The following SEPTIN2 variants were observed in gnomAD, a reference collection of about 807,000 sequenced individuals.
SEPTIN2 encodes the protein septin-2.
Under a neutral mutation model 46.5 loss-of-function variants are expected in SEPTIN2, and 34 were observed. That is an observed-to-expected ratio of 0.73 (90% CI 0.56 to 0.97). SEPTIN2 has a LOEUF of 0.97. Among genes scored for constraint, SEPTIN2 ranks in the 50% least tolerant of loss-of-function variants. SEPTIN2 has a pLI of 0.00. For missense variants in SEPTIN2, 347 were observed against 448.4 expected (o/e 0.77, Z 2.04); for synonymous variants, 175 against 153.4 (o/e 1.14, Z -1.04).
chr2:241,347,976 C>T (rs769958992), intron 10 of SEPTIN2, among the ~76,000 whole-genome samples, 158 bp from the exon 11 acceptor site: 11 of 152,150 alleles, frequency 7.2e-5, no homozygotes, highest in Non-Finnish European at 1.6e-4. Context: ...GATCATGCCA[C>T]TACACTCCAG....
At chr2:241,333,755 G>A (rs888817267) in intron 3 of SEPTIN2, among the ~76,000 whole-genome samples, 7 of 151,998 alleles carry the variant, frequency 4.6e-5, no homozygotes, top group Non-Finnish European at 8.8e-5. Context: ...CGCCTGCCTC[G>A]GCCTCCCAAA....
intron 1 of SEPTIN2, chr2:241,316,439 G>T: frequency 4.3e-6 from 6 of 1,391,734 alleles, no homozygotes; most frequent in Non-Finnish European, 5.7e-6. Context: ...GGACTGGCCA[G>T]CCCCCAAACC....
chr2:241,335,225 T>G lies in SEPTIN2; in HGVS notation c.217+13T>G, dbSNP rs1261441409. ...CCTGGAGCAGCAGGTAAAAACATTCTTATGTTACTGTAAGTGTAATTCTAC... is the reference window on the plus strand; with the variant it reads ...CCTGGAGCAGCAGGTAAAAACATTCGTATGTTACTGTAAGTGTAATTCTAC... On this transcript the variant is annotated intron_variant, in intron 4 of 12. Coordinates refer to ENST00000391971, the MANE Select transcript of SEPTIN2 (RefSeq NM_004404.5). The G allele has an allele frequency of 1.9e-6, 3 of 1,610,478 alleles. No homozygotes were observed. Among genetic ancestry groups the G allele is most frequent in the East Asian group, 4.5e-5 (2 of 44,870 alleles).
rs2060917170 is a variant in SEPTIN2 at position 241,353,385 on chromosome 2, A to G, written c.*1448A>G. On this transcript the variant is annotated 3_prime_UTR_variant, in exon 13 of 13. Transcript: ENST00000391971. ...TACTGAAGTTGGGAAATTCAACCCC[A>G]GAAATTGACAGATGAAAGGAGACAA... 6.6e-6 allele frequency: 1 copy of G among 152,222 alleles called. No individual in the cohort carries two copies. The highest frequency in any genetic ancestry group is 1.5e-5 in the Non-Finnish European group (1 of 68,030). The allele number at this position is 152,222 out of a possible 1,614,324, so 9.4% of individuals were successfully genotyped here. A position where few individuals can be genotyped will look rare whatever the true frequency, so the allele number is the denominator to read the frequency against.
intron 1 of SEPTIN2, chr2:241,320,144 G>A: frequency 2.2e-6 from 1 of 452,388 alleles, no homozygotes; most frequent in South Asian, 1.6e-5. Context: ...CTCCATCTGG[G>A]TTTGTTATTA....
rs1391253398 is a variant in SEPTIN2, at chr2:241,321,224, C to T, written c.-17-2992C>T. Among the ~76,000 whole-genome samples the T allele has an allele frequency of 2.6e-5, 4 of 152,162 alleles. No individual in the cohort carries two copies. In the East Asian group the frequency reaches 7.7e-4, roughly 29 times the overall value. On this transcript the variant is annotated intron_variant, in intron 1 of 12. Coordinates refer to ENST00000391971, the MANE Select transcript of SEPTIN2 (RefSeq NM_004404.5). ...CTTGCACATACTGTGTTTACTGAAT[C>T]TGTCCGGTTCTCAGAGAACTCTATT...
intron 1 of SEPTIN2, among the ~76,000 whole-genome samples, chr2:241,321,852 ATC>A (rs1363467787): frequency 6.6e-6 from 1 of 151,754 alleles, no homozygotes; most frequent in African/African-American, 2.4e-5. Context: ...TCAGATACTT[ATC>A]TCTGTATTAT....
At chr2:241,351,092 T>C (rs988010989) in intron 12 of SEPTIN2, among the ~76,000 whole-genome samples, 9 of 152,106 alleles carry the variant, frequency 5.9e-5, no homozygotes, top group African/African-American at 2.2e-4. Flanking sequence ...TCTACTACAA[T>C]TCAGGGACCT....
chr2:241,320,311 G>T (rs1000739350), intron 1 of SEPTIN2: 19 of 471,000 alleles, frequency 4.0e-5, no homozygotes, highest in Non-Finnish European at 7.9e-5. Flanking sequence ...CAGCTGCTTA[G>T]TGATACTTGT....
In SEPTIN2 at chr2:241,353,028, C is replaced by G. The variant is rs2060894666; in HGVS notation, c.*1091C>G. 1 of 152,234 alleles carries G rather than the reference C, an allele frequency of 6.6e-6. No homozygotes were observed. The highest frequency in any genetic ancestry group is 2.4e-5 in the African/African-American group (1 of 41,454). 9.4% of individuals were successfully genotyped at this position (152,234 alleles called of 1,614,324 possible). A position where few individuals can be genotyped will look rare whatever the true frequency, so the allele number is the denominator to read the frequency against. The stretch of plus-strand genomic sequence containing the variant: ...CCTAAGGCCTTGGTGCCCTGAACCT[C>G]TGATGCCTACCGGGTTCTCCTGATT... On this transcript the variant is annotated 3_prime_UTR_variant, in exon 13 of 13. Transcript: ENST00000391971.
At chr2:241,338,861 AATAT>A (rs1289278174) in intron 7 of SEPTIN2, among the ~76,000 whole-genome samples, 3 of 95,922 alleles carry the variant, frequency 3.1e-5, no homozygotes, top group South Asian at 2.6e-4. Flanking sequence ...TATATATAAA[AATAT>A]ATATATTTAA....
chr2:241,325,951 C>A (rs745380942), intron 2 of SEPTIN2, 42 bp from the exon 3 acceptor site: 3 of 1,575,710 alleles, frequency 1.9e-6, no homozygotes, highest in Non-Finnish European at 1.7e-6. Flanking sequence ...AAAGCAACTA[C>A]TAAGGTGTTT....
At chr2:241,335,828 G>A (rs772213275) in intron 4 of SEPTIN2, 147 bp from the exon 5 acceptor site, 1 of 968,008 alleles carries the variant, frequency 1.0e-6, no homozygotes, top group East Asian at 2.4e-5. Flanking sequence ...GACTTCTCTG[G>A]GATCTTTTTT....
intron 10 of SEPTIN2, among the ~76,000 whole-genome samples, chr2:241,347,422 GCTGGCC>G (rs2060357411): frequency 6.6e-6 from 1 of 152,194 alleles, no homozygotes; most frequent in African/African-American, 2.4e-5. Flanking sequence ...CTGAGTAGGC[GCTGGCC>G]CTGAGATGGA....
Position 241,353,338 on chromosome 2 carries a change from C to T in SEPTIN2, c.*1401C>T, listed in dbSNP as rs1476844856. ...TGTGTCTCCTTATGGTACACTCCAG[C>T]GGTTGCCTTTTTTATCATTTCTACT... On this transcript the variant is annotated 3_prime_UTR_variant, in exon 13 of 13. Coordinates refer to ENST00000391971, the MANE Select transcript of SEPTIN2 (RefSeq NM_004404.5). 2.6e-5 allele frequency: 4 copies of T among 152,134 alleles called. No individual in the cohort carries two copies. The highest frequency in any genetic ancestry group is 4.4e-5 in the Non-Finnish European group (3 of 68,040). 9.4% of individuals were successfully genotyped at this position (152,134 alleles called of 1,614,324 possible). A position where few individuals can be genotyped will look rare whatever the true frequency, so the allele number is the denominator to read the frequency against.
intron 3 of SEPTIN2, 103 bp downstream of exon 3, chr2:241,326,216 C>A: frequency 8.8e-7 from 1 of 1,134,538 alleles, no homozygotes; most frequent in Non-Finnish European, 1.2e-6. Context: ...GAAAATTTGG[C>A]AGAGTCAAAT....
At chr2:241,343,714 C>T in intron 8 of SEPTIN2, 38 bp from the exon 9 acceptor site, 1 of 1,611,840 alleles carries the variant, frequency 6.2e-7, no homozygotes, top group East Asian at 2.2e-5. Flanking sequence ...CTGGGGTTCC[C>T]TGTGTGGAGC....
In SEPTIN2 at chr2:241,343,779, T is replaced by A. The variant is rs772202625; in HGVS notation, c.724T>A (p.Ser242Thr). 4 of 1,614,088 alleles carry A rather than the reference T, an allele frequency of 2.5e-6. No individual in the cohort carries two copies. The highest frequency in any genetic ancestry group is 3.4e-6 in the Non-Finnish European group (4 of 1,180,022). The change falls in exon 9 of 13, where the codon TCC becomes ACC. Residue 242 changes from serine to threonine, a missense_variant. By Grantham distance (58) the Ser-to-Thr change is moderately conservative. Coordinates refer to ENST00000391971, the MANE Select transcript of SEPTIN2 (RefSeq NM_004404.5). ...KASIPFSVVG[S>T]NQLIEAKGKK... ...TAGCATCCCATTCTCTGTGGTTGGATCCAATCAGTTGATTGAAGCCAAAGG... is the reference window on the plus strand; with the variant it reads ...TAGCATCCCATTCTCTGTGGTTGGAACCAATCAGTTGATTGAAGCCAAAGG...
At chr2:241,323,685 A>G (rs1298949621) in intron 1 of SEPTIN2, among the ~76,000 whole-genome samples, 1 of 152,238 alleles carries the variant, frequency 6.6e-6, no homozygotes, top group African/African-American at 2.4e-5. Flanking sequence ...AAAAGAATTC[A>G]TTTAAGTACA....
Sources: allele counts gnomAD v4.1 joint callset (sites outside exome capture counted in the v4.1 genomes callset), GRCh38; gene constraint gnomAD v4.1.1; transcripts MANE v1.5; gene names NCBI Gene and HGNC (gene_info 2026-07-23, HGNC 2026-07-21).